Variants in MECOM observed in about 807,000 individuals in gnomAD.
The protein encoded by MECOM is MDS1 and EVI1 complex locus.
MECOM carries 13 observed loss-of-function variants against 116.3 expected under a neutral mutation model. The ratio of observed to expected loss-of-function variants is 0.11; its 90% confidence interval spans 0.07 to 0.18. MECOM has a LOEUF of 0.18. Ranked by LOEUF, MECOM falls within the 10% of genes least tolerant of loss-of-function variation. The probability of loss-of-function intolerance (pLI) is 1.00; values close to 1 mark genes in which losing one functional copy is unlikely to be tolerated. For missense variants in MECOM, 1,299 were observed against 1,509.0 expected (o/e 0.86, Z 2.31); for synonymous variants, 528 against 535.2 (o/e 0.99, Z 0.19).
At chr3:169,533,708 T>C (rs1461505732) in intron 1 of MECOM, among the ~76,000 whole-genome samples, 1 of 152,008 alleles carries the variant, frequency 6.6e-6, no homozygotes, top group Admixed American at 6.6e-5. Flanking sequence ...CTGGGTTAAG[T>C]TCCTCACAGA....
At chr3:169,622,197 C>A (rs1485747804) in intron 1 of MECOM, among the ~76,000 whole-genome samples, 3 of 152,266 alleles carry the variant, frequency 2.0e-5, no homozygotes, top group African/African-American at 4.8e-5. Context: ...TCAAGCGATT[C>A]TCCTGCCTCA....
At chr3:169,500,076 A>G (rs1754349762) in intron 1 of MECOM, among the ~76,000 whole-genome samples, 1 of 152,084 alleles carries the variant, frequency 6.6e-6, no homozygotes, top group Non-Finnish European at 1.5e-5. Flanking sequence ...TAGTTTTTAA[A>G]TAATGTTTAA....
chr3:169,566,096 TA>T, intron 1 of MECOM: 1 of 331,920 alleles, frequency 3.0e-6, no homozygotes, highest in Middle Eastern at 4.9e-4. Context: ...CAAATACTTG[TA>T]AACCATCAGA....
chr3:169,184,790 A>G lies in MECOM; in HGVS notation c.376-40958T>C, dbSNP rs534332048. Among the ~76,000 whole-genome samples, 9 of 152,338 alleles carry G rather than the reference A, an allele frequency of 5.9e-5. No individual in the cohort carries two copies. In the South Asian group the frequency reaches 1.9e-3, roughly 32 times the overall value. The stretch of plus-strand genomic sequence containing the variant: ...TGATGGTTAAAAAGGAGGGTCTCAA[A>G]TGGAAAGGAGACCATTTAGAATACT... On this transcript the variant is annotated intron_variant, in intron 2 of 16. Transcript: ENST00000651503.
intron 2 of MECOM, among the ~76,000 whole-genome samples, chr3:169,378,486 A>T (rs1366415000): frequency 2.3e-5 from 1 of 42,872 alleles, no homozygotes; most frequent in Non-Finnish European, 3.8e-5. Flanking sequence ...AGAAAGAGAG[A>T]GAGAAAGAAA....
intron 1 of MECOM, among the ~76,000 whole-genome samples, chr3:169,610,170 T>C (rs1296393892): frequency 6.6e-6 from 1 of 152,198 alleles, no homozygotes; most frequent in Non-Finnish European, 1.5e-5. Context: ...TATTTTTACA[T>C]TTCTAACACC....
intron 2 of MECOM, among the ~76,000 whole-genome samples, chr3:169,253,724 T>C (rs1053355875): frequency 1.3e-5 from 2 of 152,120 alleles, no homozygotes; most frequent in Non-Finnish European, 2.9e-5. Flanking sequence ...ATAATTTTTA[T>C]AATGGCTTAA....
Position 169,147,623 on chromosome 3 carries a change from C to T in MECOM, c.376-3791G>A, listed in dbSNP as rs546865218. 9.1e-6 allele frequency: 9 copies of T among 985,386 alleles called. No homozygotes were observed. In the South Asian group the frequency reaches 3.3e-4, roughly 36 times the overall value. The allele number at this position is 985,386 out of a possible 1,614,324, so 61.0% of individuals were successfully genotyped here. ...ATCCCCCTTAAACATGTAGATTTCT[C>T]CGGGTAAACAACCAATGGGGAGATC... On this transcript the variant is annotated intron_variant, in intron 2 of 16. Transcript: ENST00000651503.
At chr3:169,089,346 T>C (rs1718918724) in intron 15 of MECOM, among the ~76,000 whole-genome samples, 163 bp from the exon 16 acceptor site, 1 of 152,138 alleles carries the variant, frequency 6.6e-6, no homozygotes, top group Admixed American at 6.6e-5. Flanking sequence ...CTTACAAACA[T>C]CATGTCTTAA....
intron 2 of MECOM, among the ~76,000 whole-genome samples, chr3:169,288,623 G>C (rs1560091970): frequency 6.6e-6 from 1 of 152,064 alleles, no homozygotes. Context: ...TATTGGGGTG[G>C]GGAGGCATCT....
chr3:169,472,550 AAAGAAAAGAGAGGAGAGGAGAGGAG>A (rs1560318175), intron 1 of MECOM, among the ~76,000 whole-genome samples: 76 of 90,546 alleles, frequency 8.4e-4, no homozygotes, highest in Admixed American at 1.0e-3. Context: ...AAGGAAAGGA[AAAGAAAAGAGAGGAGAGGAGAGGAG>A]AGGAGAGGAA....
At chr3:169,181,500 A>G (rs752304663) in intron 2 of MECOM, among the ~76,000 whole-genome samples, 1 of 152,150 alleles carries the variant, frequency 6.6e-6, no homozygotes, top group South Asian at 2.1e-4. Flanking sequence ...CCTTGATTCC[A>G]CACACCAACT....
intron 1 of MECOM, among the ~76,000 whole-genome samples, chr3:169,539,636 A>C (rs1759821688): frequency 6.6e-6 from 1 of 152,200 alleles, no homozygotes; most frequent in Non-Finnish European, 1.5e-5. Context: ...CCCAGTGCAA[A>C]GACTATTCTC....
intron 16 of MECOM, among the ~76,000 whole-genome samples, chr3:169,087,919 C>A (rs1480636022): frequency 6.6e-6 from 1 of 152,160 alleles, no homozygotes; most frequent in Non-Finnish European, 1.5e-5. Flanking sequence ...GCTGCTTTAA[C>A]TTCAGTTGAG....
rs1753939652 is a variant in MECOM, at chr3:169,235,586, A to G, written c.376-91754T>C. Among the ~76,000 whole-genome samples, 3 of 152,192 alleles carry G rather than the reference A, an allele frequency of 2.0e-5. No homozygotes were observed. In the South Asian group the frequency reaches 6.2e-4, roughly 31 times the overall value. On this transcript the variant is annotated intron_variant, in intron 2 of 16. Transcript: ENST00000651503. The stretch of plus-strand genomic sequence containing the variant: ...AAGTAAAATTTTTGAGGAATGAAAA[A>G]TAACCAAATAAATGATATTTCTTAT...
At chr3:169,547,256 T>C (rs1335586245) in intron 1 of MECOM, among the ~76,000 whole-genome samples, 1 of 152,186 alleles carries the variant, frequency 6.6e-6, no homozygotes, top group East Asian at 1.9e-4. Context: ...TGCTCCACCA[T>C]GGTAAGATGT....
rs139129506 is a variant in MECOM at position 169,199,370 on chromosome 3, A to G, written c.376-55538T>C. Among the ~76,000 whole-genome samples the G allele has an allele frequency of 2.1e-3, 321 of 152,096 alleles. 4 individuals carry two copies. Among genetic ancestry groups the G allele is most frequent in the African/African-American group, 7.3e-3 (305 of 41,520 alleles). On this transcript the variant is annotated intron_variant, in intron 2 of 16. Coordinates refer to ENST00000651503, the MANE Select transcript of MECOM (RefSeq NM_004991.4). ...GAAAAATCGTGGGGAAAAATGGTGG[A>G]GAAAAATGGAAGAGGAAACATGTTA...
intron 1 of MECOM, among the ~76,000 whole-genome samples, chr3:169,651,729 T>G (rs1264690934): frequency 1.3e-5 from 2 of 152,000 alleles, no homozygotes; most frequent in Admixed American, 6.6e-5. Flanking sequence ...AAATCACCAC[T>G]AAAAAATTTA....
intron 1 of MECOM, among the ~76,000 whole-genome samples, chr3:169,645,410 A>T (rs868715368): frequency 2.0e-4 from 31 of 152,212 alleles, no homozygotes; most frequent in Admixed American, 5.9e-4. Context: ...ACCAAAAGAC[A>T]AAAGTGGCTA....
Sources: allele counts gnomAD v4.1 joint callset (sites outside exome capture counted in the v4.1 genomes callset), GRCh38; gene constraint gnomAD v4.1.1; transcripts MANE v1.5; gene names NCBI Gene and HGNC (gene_info 2026-07-23, HGNC 2026-07-21).